Variants in RFX3 observed in about 807,000 individuals in gnomAD.
RFX3 encodes the protein transcription factor RFX3.
RFX3 carries 14 observed loss-of-function variants against 98.6 expected under a neutral mutation model. That is an observed-to-expected ratio of 0.14 (90% CI 0.09 to 0.22). The LOEUF is 0.22. Ranked by LOEUF, RFX3 falls within the 10% of genes least tolerant of loss-of-function variation. The pLI is 1.00. For missense variants in RFX3, 639 were observed against 926.9 expected, an observed-to-expected ratio of 0.69 and a Z score of 4.03; for synonymous variants, 383 against 328.4, an observed-to-expected ratio of 1.17 and a Z score of -1.80.
intron 1 of RFX3, chr9:3,490,380 T>A (rs978306658): frequency 5.8e-6 from 5 of 866,910 alleles, no homozygotes; most frequent in Middle Eastern, 5.9e-4. Flanking sequence ...TTAGTTCACA[T>A]TAAAAATGAA....
At chr9:3,240,639 A>G (rs1012782103) in intron 15 of RFX3, among the ~76,000 whole-genome samples, 10 of 152,198 alleles carry the variant, frequency 6.6e-5, no homozygotes, top group African/African-American at 2.2e-4. Context: ...AATTTTTATG[A>G]CATTTTATGG....
chr9:3,480,699 G>A (rs1041729046), intron 1 of RFX3, among the ~76,000 whole-genome samples: 1 of 152,090 alleles, frequency 6.6e-6, no homozygotes, highest in African/African-American at 2.4e-5. Flanking sequence ...AATTATAAGT[G>A]GAACCTGTTA....
chr9:3,468,815 G>GAAAA (rs34057815), intron 1 of RFX3, among the ~76,000 whole-genome samples: 3 of 84,270 alleles, frequency 3.6e-5, no homozygotes, highest in Non-Finnish European at 5.4e-5. Context: ...TTTTCCTTTT[G>GAAAA]AAAAAAAAAA....
chr9:3,434,387 A>AAATCT (rs1483840079), intron 1 of RFX3, among the ~76,000 whole-genome samples: 7 of 152,274 alleles, frequency 4.6e-5, no homozygotes, highest in African/African-American at 1.7e-4. Flanking sequence ...TAAGCTTACC[A>AAATCT]AATCTAGCAA....
intron 1 of RFX3, among the ~76,000 whole-genome samples, chr9:3,399,422 C>T (rs749810812): frequency 8.0e-5 from 12 of 150,368 alleles, no homozygotes; most frequent in Admixed American, 6.6e-4. Flanking sequence ...CCAGCCTGGG[C>T]GACAAGACCA....
intron 1 of RFX3, among the ~76,000 whole-genome samples, chr9:3,418,264 G>A (rs76040797): frequency 2.0e-5 from 3 of 152,204 alleles, no homozygotes; most frequent in African/African-American, 7.2e-5. Flanking sequence ...TGATTATAAA[G>A]ATTCAACAAG....
chr9:3,431,210 T>C (rs1470376560), intron 1 of RFX3, among the ~76,000 whole-genome samples: 2 of 152,188 alleles, frequency 1.3e-5, no homozygotes, highest in African/African-American at 2.4e-5. Flanking sequence ...CAGTAAAAAG[T>C]GATCTCTTAC....
At chr9:3,339,815 T>C (rs899063609) in intron 3 of RFX3, among the ~76,000 whole-genome samples, 2 of 152,074 alleles carry the variant, frequency 1.3e-5, no homozygotes, top group African/African-American at 4.8e-5. Context: ...ATCGTGAAAA[T>C]GGCCATACTG....
Position 3,218,620 on chromosome 9 carries a change from T to C in RFX3, c.*6422A>G, listed in dbSNP as rs1261699614. 6.6e-6 allele frequency: 1 copy of C among 152,148 alleles called. No homozygotes were observed. The highest frequency in any genetic ancestry group is 1.5e-5 in the Non-Finnish European group (1 of 68,010). The allele number at this position is 152,148 out of a possible 1,614,324, so 9.4% of individuals were successfully genotyped here. A position where few individuals can be genotyped will look rare whatever the true frequency, so the allele number is the denominator to read the frequency against. Reference sequence around the variant, plus strand: ...CAAAAATCACATCAGGAAATACGTATTTACAAAATCAAATACATTATACAA... The same window carrying C: ...CAAAAATCACATCAGGAAATACGTACTTACAAAATCAAATACATTATACAA... On this transcript the variant is annotated 3_prime_UTR_variant, in exon 17 of 17. Transcript: ENST00000617270.
intron 2 of RFX3, among the ~76,000 whole-genome samples, chr9:3,372,374 C>G (rs1837958684): frequency 6.6e-6 from 1 of 152,102 alleles, no homozygotes; most frequent in South Asian, 2.1e-4. Flanking sequence ...GATAAAGCCC[C>G]TTTCTGTCTG....
chr9:3,224,804 C>A lies in RFX3; in HGVS notation c.*238G>T. ...ATTGACATTAAGTGTTGTAAAAATC[C>A]TTCTTGACACCTGAAACTAAGGGAA... On this transcript the variant is annotated 3_prime_UTR_variant, in exon 17 of 17. Transcript: ENST00000617270. 3 of 393,502 alleles carry A rather than the reference C, an allele frequency of 7.6e-6. No homozygotes were observed. Among genetic ancestry groups the A allele is most frequent in the South Asian group, 6.1e-5 (1 of 16,424 alleles). 24.4% of individuals were successfully genotyped at this position (393,502 alleles called of 1,614,324 possible). A position where few individuals can be genotyped will look rare whatever the true frequency, so the allele number is the denominator to read the frequency against.
chr9:3,245,265 G>A (rs759769940), intron 15 of RFX3, among the ~76,000 whole-genome samples: 6 of 152,208 alleles, frequency 3.9e-5, no homozygotes, highest in Non-Finnish European at 8.8e-5. Context: ...GAATGGGCAT[G>A]GGGAGATGGG....
intron 2 of RFX3, among the ~76,000 whole-genome samples, chr9:3,381,494 A>G (rs1839190756): frequency 6.6e-6 from 1 of 152,178 alleles, no homozygotes; most frequent in Non-Finnish European, 1.5e-5. Context: ...TTTACAAACA[A>G]AAAGAAACAT....
chr9:3,266,756 T>C (rs1371448835), intron 11 of RFX3, among the ~76,000 whole-genome samples: 1 of 152,110 alleles, frequency 6.6e-6, no homozygotes, highest in Non-Finnish European at 1.5e-5. Flanking sequence ...CAAAGCTTGC[T>C]CTGTTTCTCT....
At chr9:3,393,308 T>C (rs935688453) in intron 2 of RFX3, among the ~76,000 whole-genome samples, 2 of 152,054 alleles carry the variant, frequency 1.3e-5, no homozygotes, top group Non-Finnish European at 2.9e-5. Context: ...CCTTGCTAAG[T>C]TTTTTGAGTC....
intron 3 of RFX3, among the ~76,000 whole-genome samples, chr9:3,335,240 G>C (rs1294882775): frequency 6.6e-6 from 1 of 152,082 alleles, no homozygotes; most frequent in Non-Finnish European, 1.5e-5. Context: ...TCATGCACAA[G>C]TAACAGGTAA....
chr9:3,453,710 CAAAAAAAAAAA>C (rs36111393), intron 1 of RFX3: 2 of 87,874 alleles, frequency 2.3e-5, no homozygotes, highest in African/African-American at 7.7e-5. Context: ...ACTCTTTTTT[CAAAAAAAAAAA>C]AAAAAAAAGA....
intron 1 of RFX3, among the ~76,000 whole-genome samples, chr9:3,474,435 G>C (rs148485980): frequency 0.021 from 3,130 of 152,250 alleles, 43 homozygotes; most frequent in Non-Finnish European, 0.031. Context: ...AAGTTTCAAA[G>C]TTCCTTTACC....
At chr9:3,435,961 A>G (rs960606482) in intron 1 of RFX3, among the ~76,000 whole-genome samples, 9 of 151,892 alleles carry the variant, frequency 5.9e-5, no homozygotes, top group East Asian at 1.9e-4. Flanking sequence ...CTCTCGTGCT[A>G]TTTTCAGGAC....
Sources: gnomAD v4.1 joint callset for allele counts (sites outside exome capture counted in the v4.1 genomes callset) on GRCh38, gnomAD v4.1.1 for gene constraint, MANE v1.5 for transcripts, NCBI Gene and HGNC (gene_info 2026-07-23, HGNC 2026-07-21) for gene names.